The following MME variants were observed in gnomAD, a reference collection of about 807,000 sequenced individuals.
The protein encoded by MME is neprilysin.
In MME, 98 loss-of-function variants were observed where a neutral mutation model predicts 113.2. The observed-to-expected ratio is 0.87, with a 90% CI of 0.74 to 1.02. MME has a LOEUF of 1.02. Among genes scored for constraint, MME ranks in the 50% least tolerant of loss-of-function variants. The pLI, the probability that MME is intolerant of heterozygous loss-of-function variation, is 0.00. For synonymous variants in MME, 292 were observed against 300.6 expected (o/e 0.97, Z 0.30); for missense variants, 836 against 896.0 (o/e 0.93, Z 0.86).
At chr3:155,076,003 C>T (rs1361923647), upstream of MME, among the ~76,000 whole-genome samples, 1 of 152,112 alleles carries the variant, frequency 6.6e-6, no homozygotes, top group Non-Finnish European at 1.5e-5. Flanking sequence ...TCAGATCTTC[C>T]ATAAACTATT....
intron 3 of MME, among the ~76,000 whole-genome samples, chr3:155,093,295 T>C (rs926829336): frequency 2.0e-5 from 3 of 152,118 alleles, no homozygotes; most frequent in Non-Finnish European, 2.9e-5. Flanking sequence ...ATTAGCAATA[T>C]ATTGACGAAA....
At chr3:155,104,853 T>C (rs1028413865) in intron 3 of MME, among the ~76,000 whole-genome samples, 1 of 152,254 alleles carries the variant, frequency 6.6e-6, no homozygotes, top group Non-Finnish European at 1.5e-5. Flanking sequence ...TCATTTTAAG[T>C]GATATATTGT....
At chr3:155,129,121 T>C (rs936689707) in intron 8 of MME, among the ~76,000 whole-genome samples, 5 of 152,206 alleles carry the variant, frequency 3.3e-5, no homozygotes, top group Middle Eastern at 3.4e-3. Flanking sequence ...GGTCACCAAC[T>C]TTTTTTGTCA....
Position 155,087,738 on chromosome 3 carries a change from C to T in MME, c.196+2644C>T, listed in dbSNP as rs553172397. 2.6e-5 allele frequency among the ~76,000 whole-genome samples: 4 copies of T among 152,016 alleles called. No individual in the cohort carries two copies. The South Asian group carries it at 6.2e-4, about 24-fold the overall frequency. ...TCTTCTTTTCCTTGAATTTTATTTTCGAAGAAACTGGATTTTTTGACTAGG... is the reference window on the plus strand; with the variant it reads ...TCTTCTTTTCCTTGAATTTTATTTTTGAAGAAACTGGATTTTTTGACTAGG... On this transcript the variant is annotated intron_variant, in intron 3 of 22. Transcript: ENST00000360490.
chr3:155,075,562 T>A (rs1269220176), upstream of MME, among the ~76,000 whole-genome samples: 1 of 152,240 alleles, frequency 6.6e-6, no homozygotes, highest in Non-Finnish European at 1.5e-5. Context: ...AAACTTGACC[T>A]TATGCACTCT....
In MME at chr3:155,144,394, T is replaced by C; in HGVS notation, c.1353T>C (p.Phe451=). 1.2e-6 allele frequency: 2 copies of C among 1,613,308 alleles called. No homozygotes were observed. Among genetic ancestry groups the C allele is most frequent in the Non-Finnish European group, 1.7e-6 (2 of 1,179,474 alleles). ...EDLIAQIREV[F]IQTLDDLTWM... is the part of the protein sequence containing the mutation. ...TGATTGCACAGATCCGAGAAGTTTTTATTCAGACTTTAGATGACCTCACTT... is the reference window on the plus strand; with the variant it reads ...TGATTGCACAGATCCGAGAAGTTTTCATTCAGACTTTAGATGACCTCACTT... The change falls in exon 14 of 23, where the codon TTT becomes TTC. Residue 451 remains phenylalanine (F), a synonymous_variant. Transcript: ENST00000360490.
At position 155,144,365 on chromosome 3, in the gene MME, G is replaced by C. The variant is rs763381311; in HGVS notation, c.1324G>C (p.Asp442His). ...TCTTCTGTTCTGATTTGAGGTCGAG[G>C]ATTTGATTGCACAGATCCGAGAAGT... ...FAGESKHVVEDLIAQIREVFI... is the reference protein window; with the variant it reads ...FAGESKHVVEHLIAQIREVFI... The change falls in exon 14 of 23, where the codon GAT (aspartate) becomes CAT (histidine). Residue 442 changes from aspartate to histidine, a missense_variant. Coordinates refer to ENST00000360490, the MANE Select transcript of MME (RefSeq NM_007289.4). 2 of 1,609,956 alleles carry C rather than the reference G, an allele frequency of 1.2e-6. No individual in the cohort carries two copies. Among genetic ancestry groups the C allele is most frequent in the South Asian group, 2.2e-5 (2 of 90,968 alleles).
chr3:155,133,040 A>T (rs7633993), intron 8 of MME, among the ~76,000 whole-genome samples: 401 of 20,134 alleles, frequency 0.02, 2 homozygotes, highest in African/African-American at 0.047. Flanking sequence ...AACCCCGTCT[A>T]AAAAAAAAAA....
At position 155,111,222 on chromosome 3, in the gene MME, C is replaced by T. The variant is rs1718162130; in HGVS notation, c.197-3772C>T. Among the ~76,000 whole-genome samples the T allele has an allele frequency of 2.6e-5, 4 of 152,170 alleles. No homozygotes were observed. The South Asian group carries it at 8.3e-4, about 32-fold the overall frequency. On this transcript the variant is annotated intron_variant, in intron 3 of 22. Coordinates refer to ENST00000360490, the MANE Select transcript of MME (RefSeq NM_007289.4). ...GAGGTCCAGAGGATAAGGTGCAAAA[C>T]GAGAATCAAACCCACGATAAGAGAT...
chr3:155,130,142 T>C (rs1720026568), intron 8 of MME, among the ~76,000 whole-genome samples: 1 of 152,180 alleles, frequency 6.6e-6, no homozygotes, highest in Admixed American at 6.5e-5. Flanking sequence ...ATAATAGATA[T>C]GTTTATGCTC....
In MME at chr3:155,057,558, C is replaced by T. The variant is rs888729054; in HGVS notation, c.-10-26600C>T. 3.7e-4 allele frequency among the ~76,000 whole-genome samples: 56 copies of T among 152,004 alleles called. 1 individual carries two copies. The highest frequency in any genetic ancestry group is 1.5e-4 in the Non-Finnish European group (10 of 67,998). ...TCATCATTTTTCAGACTTCTTTACTCAGCTTGTCCCACTGTAGTGAGCTCT... is the reference window on the plus strand; with the variant it reads ...TCATCATTTTTCAGACTTCTTTACTTAGCTTGTCCCACTGTAGTGAGCTCT... On this transcript the variant is annotated intron_variant, in intron 1 of 22. Transcript: ENST00000492661.
At chr3:155,156,758 C>T (rs1417917096) in intron 16 of MME, among the ~76,000 whole-genome samples, 1 of 152,090 alleles carries the variant, frequency 6.6e-6, no homozygotes, top group African/African-American at 2.4e-5. Flanking sequence ...GAAAATCTAT[C>T]GTATTGCACT....
At chr3:155,143,804 C>G (rs1353498308) in intron 13 of MME, among the ~76,000 whole-genome samples, 1 of 152,082 alleles carries the variant, frequency 6.6e-6, no homozygotes, top group African/African-American at 2.4e-5. Flanking sequence ...TCACCATTTT[C>G]CAGAAGCAGT....
At chr3:155,062,502 A>G (rs1714182853) in intron 1 of MME, among the ~76,000 whole-genome samples, 1 of 152,176 alleles carries the variant, frequency 6.6e-6, no homozygotes. Context: ...TCTGTGAAGA[A>G]ATATAATATC....
intron 1 of MME, among the ~76,000 whole-genome samples, chr3:155,039,491 C>A (rs1271341998): frequency 6.6e-6 from 1 of 152,076 alleles, no homozygotes. Context: ...GAATAAGTAC[C>A]CTTCATTTTC....
At chr3:155,124,068 G>A in intron 8 of MME, among the ~76,000 whole-genome samples, 1 of 135,568 alleles carries the variant, frequency 7.4e-6, no homozygotes, top group Admixed American at 7.5e-5. Context: ...ATCAGACGTA[G>A]ATTTGGTGTT....
At chr3:155,136,251 C>G (rs2108299940) in intron 8 of MME, among the ~76,000 whole-genome samples, 1 of 152,156 alleles carries the variant, frequency 6.6e-6, no homozygotes, top group African/African-American at 2.4e-5. Flanking sequence ...CCACATTTTG[C>G]CTATCCAGTA....
chr3:155,172,348 C>G (rs368385580), intron 21 of MME, 136 bp downstream of exon 21: 1 of 799,100 alleles, frequency 1.3e-6, no homozygotes, highest in Non-Finnish European at 2.2e-6. Flanking sequence ...TTATAATAGA[C>G]TGTTGGATCA....
intron 8 of MME, among the ~76,000 whole-genome samples, chr3:155,128,292 A>G (rs1719849415): frequency 6.6e-6 from 1 of 151,760 alleles, no homozygotes; most frequent in Admixed American, 6.6e-5. Flanking sequence ...TTCCCATGAT[A>G]TTTTCTACTC....
Sources: allele counts gnomAD v4.1 joint callset (sites outside exome capture counted in the v4.1 genomes callset), GRCh38; gene constraint gnomAD v4.1.1; transcripts MANE v1.5; gene names NCBI Gene and HGNC (gene_info 2026-07-23, HGNC 2026-07-21).